The following CDH12 variants were observed in gnomAD, a reference collection of about 807,000 sequenced individuals.
CDH12 encodes cadherin-12.
A neutral mutation model predicts 74.1 loss-of-function variants in CDH12; 41 were observed. The ratio of observed to expected loss-of-function variants is 0.55; its 90% confidence interval spans 0.43 to 0.72. The LOEUF (loss-of-function observed/expected upper bound fraction) is 0.72. Among genes scored for constraint, CDH12 ranks in the 30% least tolerant of loss-of-function variants. The probability of loss-of-function intolerance (pLI) is 0.00; values close to 1 mark genes in which losing one functional copy is unlikely to be tolerated. For missense variants in CDH12, 945 were observed against 977.2 expected (o/e 0.97, Z 0.44); for synonymous variants, 399 against 355.0 (o/e 1.12, Z -1.39).
intron 13 of CDH12, among the ~76,000 whole-genome samples, chr5:21,759,282 A>G (rs1368656163): frequency 6.6e-6 from 1 of 151,752 alleles, no homozygotes; most frequent in Non-Finnish European, 1.5e-5. Context: ...TTAGAGTTTC[A>G]TTTACAGTAA....
chr5:22,479,681 T>C (rs1746307622), intron 2 of CDH12, among the ~76,000 whole-genome samples: 1 of 152,242 alleles, frequency 6.6e-6, no homozygotes, highest in Non-Finnish European at 1.5e-5. Context: ...AAATGGATAA[T>C]GACATGAGCC....
intron 4 of CDH12, among the ~76,000 whole-genome samples, chr5:22,108,921 A>C (rs988310829): frequency 1.3e-5 from 2 of 152,326 alleles, no homozygotes; most frequent in African/African-American, 4.8e-5. Context: ...AAAAAATATA[A>C]AAATATTACA....
chr5:22,081,429 G>A (rs889402341), intron 4 of CDH12, among the ~76,000 whole-genome samples: 25 of 152,016 alleles, frequency 1.6e-4, no homozygotes, highest in African/African-American at 5.6e-4. Context: ...TTTCTTCCAT[G>A]TTTCATCCCA....
At chr5:22,740,135 T>C (rs182801748) in intron 1 of CDH12, among the ~76,000 whole-genome samples, 84 of 151,846 alleles carry the variant, frequency 5.5e-4, no homozygotes, top group African/African-American at 2.0e-3. Context: ...AAAAGTTTCC[T>C]TGTTGGTATG....
At chr5:22,584,240 C>A (rs1740256758) in intron 1 of CDH12, among the ~76,000 whole-genome samples, 1 of 152,068 alleles carries the variant, frequency 6.6e-6, no homozygotes, top group Non-Finnish European at 1.5e-5. Context: ...GCTGGGACTA[C>A]AGGCATGCAT....
At chr5:21,837,129 C>A (rs1749578601) in intron 8 of CDH12, among the ~76,000 whole-genome samples, 2 of 151,988 alleles carry the variant, frequency 1.3e-5, no homozygotes, top group South Asian at 2.1e-4. Context: ...TGCTATACTG[C>A]CATAATGAGA....
At chr5:21,829,770 TCTC>T (rs1016901725) in intron 8 of CDH12, among the ~76,000 whole-genome samples, 30 of 152,320 alleles carry the variant, frequency 2.0e-4, no homozygotes, top group Non-Finnish European at 3.5e-4. Flanking sequence ...TGTCTAAAGT[TCTC>T]CTCATAACTT....
intron 3 of CDH12, among the ~76,000 whole-genome samples, chr5:22,357,147 C>A (rs1740598378): frequency 6.6e-6 from 1 of 151,986 alleles, no homozygotes; most frequent in Non-Finnish European, 1.5e-5. Flanking sequence ...AGTACAAATA[C>A]TTGTTTCTGA....
intron 1 of CDH12, among the ~76,000 whole-genome samples, chr5:22,738,503 T>C (rs1014626090): frequency 6.6e-6 from 1 of 152,050 alleles, no homozygotes; most frequent in Non-Finnish European, 1.5e-5. Context: ...AAGAGCAAGC[T>C]AGTTACCTTG....
intron 1 of CDH12, among the ~76,000 whole-genome samples, chr5:22,652,148 C>T (rs1739778290): frequency 6.6e-6 from 1 of 152,034 alleles, no homozygotes; most frequent in Admixed American, 6.6e-5. Context: ...CTATAACAGA[C>T]ATTTTGGGTC....
intron 4 of CDH12, among the ~76,000 whole-genome samples, chr5:22,085,131 G>A (rs777665151): frequency 4.0e-5 from 6 of 151,868 alleles, no homozygotes; most frequent in African/African-American, 9.7e-5. Context: ...TTCTTAACTC[G>A]GATGATGACT....
intron 1 of CDH12, among the ~76,000 whole-genome samples, chr5:22,816,430 G>C (rs937229658): frequency 2.6e-5 from 4 of 152,042 alleles, no homozygotes; most frequent in African/African-American, 7.2e-5. Context: ...TCAATGCAGA[G>C]AGCTTCCCTA....
intron 2 of CDH12, among the ~76,000 whole-genome samples, chr5:22,498,591 T>C (rs1458929706): frequency 6.6e-6 from 1 of 151,956 alleles, no homozygotes; most frequent in Non-Finnish European, 1.5e-5. Context: ...CCCAAATATG[T>C]CTGTTTACAA....
chr5:22,522,704 T>G (rs1333501605), intron 1 of CDH12, among the ~76,000 whole-genome samples: 1 of 152,178 alleles, frequency 6.6e-6, no homozygotes, highest in African/African-American at 2.4e-5. Context: ...CAAAATATTA[T>G]AATCTCTCAT....
intron 1 of CDH12, among the ~76,000 whole-genome samples, chr5:22,788,294 T>G (rs950243221): frequency 2.0e-5 from 3 of 152,200 alleles, no homozygotes; most frequent in Admixed American, 2.0e-4. Flanking sequence ...TGCTATAAAT[T>G]TATCCTTTAT....
chr5:21,763,127 G>A (rs1024480536), intron 12 of CDH12, among the ~76,000 whole-genome samples: 8 of 152,138 alleles, frequency 5.3e-5, no homozygotes, highest in African/African-American at 1.4e-4. Flanking sequence ...AATTAACGAT[G>A]CAGATTTCTT....
intron 1 of CDH12, among the ~76,000 whole-genome samples, chr5:22,713,863 A>G (rs1263473720): frequency 6.6e-6 from 1 of 152,188 alleles, no homozygotes; most frequent in Non-Finnish European, 1.5e-5. Flanking sequence ...CATGTCTTCT[A>G]GAAAATCTAA....
chr5:22,086,949 A>G lies in CDH12; in HGVS notation c.-186-8087T>C, dbSNP rs570251367. On this transcript the variant is annotated intron_variant, in intron 4 of 14. Transcript: ENST00000382254. Reference sequence around the variant, plus strand: ...TCTGTGGTCTTTCACCCAAAAATCCATAACCCCATTCTAATCATAAGACAA... The same window carrying G: ...TCTGTGGTCTTTCACCCAAAAATCCGTAACCCCATTCTAATCATAAGACAA... 2.6e-5 allele frequency among the ~76,000 whole-genome samples: 4 copies of G among 152,312 alleles called. No homozygotes were observed. In the East Asian group the frequency reaches 5.8e-4, roughly 22 times the overall value.
Position 22,438,685 on chromosome 5 carries a change from A to G in CDH12, c.-427-33334T>C, listed in dbSNP as rs184086306. 8.7e-4 allele frequency among the ~76,000 whole-genome samples: 132 copies of G among 152,130 alleles called. 1 individual carries two copies. Among genetic ancestry groups the G allele is most frequent in the Admixed American group, 2.3e-3 (35 of 15,250 alleles). On this transcript the variant is annotated intron_variant, in intron 2 of 14. Transcript: ENST00000382254. Reference sequence around the variant, plus strand: ...GTACTGGACAATGCAGAATTTTCCCATCTTTGCAGGAAGTTCTAAAGGCCA... The same window carrying G: ...GTACTGGACAATGCAGAATTTTCCCGTCTTTGCAGGAAGTTCTAAAGGCCA...
Sources: gnomAD v4.1 joint callset for allele counts (sites outside exome capture counted in the v4.1 genomes callset) on GRCh38, gnomAD v4.1.1 for gene constraint, MANE v1.5 for transcripts, NCBI Gene and HGNC (gene_info 2026-07-23, HGNC 2026-07-21) for gene names.